CPA6: variants seen among roughly 807,000 people sequenced by gnomAD.
CPA6 encodes carboxypeptidase B.
A neutral mutation model predicts 63.3 loss-of-function variants in CPA6; 58 were observed. The ratio of observed to expected loss-of-function variants is 0.92; its 90% CI spans 0.74 to 1.14. The LOEUF (loss-of-function observed/expected upper bound fraction) is 1.14, where lower values mean the gene tolerates loss of function less well. Ranked by LOEUF, CPA6 falls within the 50% of genes most tolerant of loss-of-function variation. The pLI is 0.00. For synonymous variants in CPA6, 185 were observed against 179.0 expected (o/e 1.03, Z -0.27); for missense variants, 565 against 526.6 (o/e 1.07, Z -0.71).
intron 1 of CPA6, among the ~76,000 whole-genome samples, chr8:67,645,350 G>T (rs752960366): frequency 2.0e-5 from 3 of 152,154 alleles, no homozygotes; most frequent in Non-Finnish European, 2.9e-5. Flanking sequence ...CTGAAGGTGA[G>T]TGCCTTAAGA....
chr8:67,654,476 G>T (rs913690206), intron 1 of CPA6, among the ~76,000 whole-genome samples: 8 of 152,126 alleles, frequency 5.3e-5, no homozygotes, highest in African/African-American at 1.9e-4. Context: ...TCTTGGGAGG[G>T]TGTATGTGTT....
chr8:67,682,870 C>T (rs1816626103), intron 1 of CPA6, among the ~76,000 whole-genome samples: 1 of 152,192 alleles, frequency 6.6e-6, no homozygotes, highest in African/African-American at 2.4e-5. Context: ...CTAGAGTATT[C>T]CTTCTAGCCT....
At chr8:67,423,948 C>A (rs1342430230) in intron 10 of CPA6, among the ~76,000 whole-genome samples, 1 of 152,196 alleles carries the variant, frequency 6.6e-6, no homozygotes, top group African/African-American at 2.4e-5. Context: ...AGTGAAGCTT[C>A]ACCTGTATTT....
rs561367029 is a variant in CPA6, at chr8:67,521,364, G to T, written c.193-3317C>A. Among the ~76,000 whole-genome samples, 6 of 152,354 alleles carry T rather than the reference G, an allele frequency of 3.9e-5. No individual in the cohort carries two copies. In the South Asian group the frequency reaches 1.2e-3, roughly 32 times the overall value. ...CTAGCTCTGGCAGCATTGGCTATTT[G>T]ACTTTGGGGAGGTTAACATTTTAAC... On this transcript the variant is annotated intron_variant, in intron 2 of 10. Transcript: ENST00000297770.
intron 8 of CPA6, among the ~76,000 whole-genome samples, chr8:67,435,578 GGGT>G (rs1269445723): frequency 3.3e-5 from 5 of 152,208 alleles, no homozygotes; most frequent in Admixed American, 1.3e-4. Context: ...GGAGTGCCGA[GGGT>G]GGGGAGATGG....
At chr8:67,585,143 T>C (rs1010814375) in intron 2 of CPA6, among the ~76,000 whole-genome samples, 10 of 152,314 alleles carry the variant, frequency 6.6e-5, no homozygotes, top group Admixed American at 5.9e-4. Context: ...GGGATAAATA[T>C]TGTAGAGAAG....
At position 67,655,751 on chromosome 8, in the gene CPA6, A is replaced by G. The variant is rs572157110; in HGVS notation, c.117-31500T>C. ...GTGTGACTCTAAGGGCATCATTAAA[A>G]AGGAATGTTCAATCTCTGCAATCCC... On this transcript the variant is annotated intron_variant, in intron 1 of 10. Coordinates refer to ENST00000297770, the MANE Select transcript of CPA6 (RefSeq NM_020361.5). Among the ~76,000 whole-genome samples the G allele has an allele frequency of 2.0e-5, 3 of 152,272 alleles. No individual in the cohort carries two copies. The South Asian group carries it at 6.2e-4, about 32-fold the overall frequency.
chr8:67,469,639 C>T (rs1046462498), intron 8 of CPA6, among the ~76,000 whole-genome samples: 1 of 152,120 alleles, frequency 6.6e-6, no homozygotes, highest in African/African-American at 2.4e-5. Flanking sequence ...CAGCCCCACC[C>T]CTCCTGCTCT....
At position 67,651,740 on chromosome 8, in the gene CPA6, T is replaced by A. The variant is rs553385148; in HGVS notation, c.117-27489A>T. 2.3e-4 allele frequency among the ~76,000 whole-genome samples: 35 copies of A among 152,230 alleles called. No individual in the cohort carries two copies. The East Asian group carries it at 3.1e-3, about 13-fold the overall frequency. Reference sequence around the variant, plus strand: ...GCGCGAGAGCTATTCTATTTTTTTTTAAAATTTGATTATTATTATACTTTA... The same window carrying A: ...GCGCGAGAGCTATTCTATTTTTTTTAAAAATTTGATTATTATTATACTTTA... On this transcript the variant is annotated intron_variant, in intron 1 of 10. Coordinates refer to ENST00000297770, the MANE Select transcript of CPA6 (RefSeq NM_020361.5).
intron 8 of CPA6, among the ~76,000 whole-genome samples, chr8:67,459,788 A>C (rs1810759115): frequency 6.6e-6 from 1 of 152,248 alleles, no homozygotes; most frequent in Non-Finnish European, 1.5e-5. Flanking sequence ...GTCCAATTCC[A>C]AAGTATTCAT....
chr8:67,564,984 C>T (rs773988010), intron 2 of CPA6, among the ~76,000 whole-genome samples: 2 of 152,222 alleles, frequency 1.3e-5, no homozygotes, highest in Middle Eastern at 3.4e-3. Flanking sequence ...AGAACCGCAG[C>T]GTGGTCTTCT....
At chr8:67,642,794 C>G (rs1815623264) in intron 1 of CPA6, among the ~76,000 whole-genome samples, 1 of 52,272 alleles carries the variant, frequency 1.9e-5, no homozygotes, top group Admixed American at 2.0e-4. Flanking sequence ...GCCTTTATCT[C>G]ACACACACAC....
At chr8:67,602,059 T>C (rs752416434) in intron 2 of CPA6, among the ~76,000 whole-genome samples, 6 of 152,216 alleles carry the variant, frequency 3.9e-5, no homozygotes, top group Non-Finnish European at 7.3e-5. Context: ...GATTTTGTTA[T>C]GGATTATCAT....
At chr8:67,618,493 T>G (rs1229050352) in intron 2 of CPA6, among the ~76,000 whole-genome samples, 1 of 152,140 alleles carries the variant, frequency 6.6e-6, no homozygotes, top group Non-Finnish European at 1.5e-5. Flanking sequence ...GCACATTTCA[T>G]GTACAAAGCA....
chr8:67,466,803 C>G (rs1220081286), intron 8 of CPA6, among the ~76,000 whole-genome samples: 3 of 152,138 alleles, frequency 2.0e-5, no homozygotes, highest in African/African-American at 7.2e-5. Flanking sequence ...CAACACTAGT[C>G]CTCGAATTCT....
intron 1 of CPA6, among the ~76,000 whole-genome samples, chr8:67,671,070 T>C (rs1021361006): frequency 6.6e-6 from 1 of 152,174 alleles, no homozygotes; most frequent in African/African-American, 2.4e-5. Context: ...AAATAGTATT[T>C]TTCTATCCAC....
intron 2 of CPA6, chr8:67,569,424 T>G (rs1813427605): frequency 5.1e-6 from 1 of 196,474 alleles, no homozygotes; most frequent in African/African-American, 2.3e-5. Flanking sequence ...AAATGCCCAG[T>G]AAAGACACAG....
intron 1 of CPA6, among the ~76,000 whole-genome samples, chr8:67,720,785 C>T (rs1001701790): frequency 2.6e-5 from 4 of 152,146 alleles, no homozygotes; most frequent in Admixed American, 6.5e-5. Context: ...AAGAGCTGTG[C>T]GTTCAGACAC....
intron 1 of CPA6, among the ~76,000 whole-genome samples, chr8:67,690,863 A>G (rs1365503274): frequency 5.3e-5 from 8 of 152,230 alleles, no homozygotes; most frequent in Non-Finnish European, 1.2e-4. Context: ...TGAAATGCCA[A>G]TGAATACAAA....
Sources: gnomAD v4.1 joint callset for allele counts (sites outside exome capture counted in the v4.1 genomes callset) on GRCh38, gnomAD v4.1.1 for gene constraint, MANE v1.5 for transcripts, NCBI Gene and HGNC (gene_info 2026-07-23, HGNC 2026-07-21) for gene names.